The following CCDC171 variants were observed in gnomAD, a reference collection of about 807,000 sequenced individuals.
The protein encoded by CCDC171 is coiled-coil domain-containing protein 171.
A neutral mutation model predicts 168.2 loss-of-function variants in CCDC171; 177 were observed. The observed-to-expected ratio is 1.05, with a 90% confidence interval of 0.93 to 1.19. The LOEUF (loss-of-function observed/expected upper bound fraction) is 1.19, where lower values mean the gene tolerates loss of function less well. Among genes scored for constraint, CCDC171 ranks in the 50% most tolerant of loss-of-function variants. CCDC171 has a pLI of 0.00. For synonymous variants in CCDC171, 687 were observed against 540.8 expected, an observed-to-expected ratio of 1.27 and a Z score of -3.75; for missense variants, 1,991 against 1,539.0, an observed-to-expected ratio of 1.29 and a Z score of -4.91.
At chr9:15,903,355 G>A (rs200720226) in intron 24 of CCDC171, among the ~76,000 whole-genome samples, 7 of 152,074 alleles carry the variant, frequency 4.6e-5, no homozygotes, top group South Asian at 2.1e-4. Context: ...ATGATCAGGC[G>A]GCAACCTTTG....
At chr9:15,637,932 G>A (rs1462229869) in intron 7 of CCDC171, among the ~76,000 whole-genome samples, 11 of 152,028 alleles carry the variant, frequency 7.2e-5, no homozygotes, top group African/African-American at 2.2e-4. Context: ...ATAAACATAC[G>A]TGTGCATGTG....
chr9:16,043,892 T>A (rs990527126), intron 1 of CCDC171, among the ~76,000 whole-genome samples: 1 of 152,220 alleles, frequency 6.6e-6, no homozygotes, highest in African/African-American at 2.4e-5. Context: ...CACAGATACG[T>A]CCATTTGAGT....
intron 3 of CCDC171, among the ~76,000 whole-genome samples, chr9:15,999,134 C>G (rs1832456884): frequency 6.6e-6 from 1 of 150,576 alleles, no homozygotes; most frequent in Non-Finnish European, 1.5e-5. Context: ...TTGCTTGAGT[C>G]CAAGAGTTTG....
At chr9:15,633,888 A>G (rs1274113130) in intron 7 of CCDC171, among the ~76,000 whole-genome samples, 2 of 152,214 alleles carry the variant, frequency 1.3e-5, no homozygotes, top group South Asian at 2.1e-4. Flanking sequence ...CATGGATGAA[A>G]TTGGAAATCA....
At chr9:15,644,301 A>G (rs766022930) in intron 7 of CCDC171, among the ~76,000 whole-genome samples, 32 of 152,200 alleles carry the variant, frequency 2.1e-4, no homozygotes, top group Middle Eastern at 3.2e-3. Context: ...TCCAGTCTAC[A>G]GCACCCAGCG....
intron 7 of CCDC171, among the ~76,000 whole-genome samples, chr9:15,633,539 G>T (rs544635302): frequency 2.0e-5 from 3 of 152,224 alleles, no homozygotes; most frequent in South Asian, 4.1e-4. Flanking sequence ...TGCTGGAGAG[G>T]ATGTGGAGAA....
intron 23 of CCDC171, among the ~76,000 whole-genome samples, chr9:15,850,679 A>G (rs546850946): frequency 1.3e-5 from 2 of 152,024 alleles, no homozygotes; most frequent in South Asian, 2.1e-4. Context: ...GTGAGAATGA[A>G]TGAGTGATAA....
intron 2 of CCDC171, among the ~76,000 whole-genome samples, chr9:15,567,892 G>A (rs2039879658): frequency 6.6e-6 from 1 of 151,986 alleles, no homozygotes; most frequent in African/African-American, 2.4e-5. Context: ...GGCCTCAAGT[G>A]ATCCTCCTGC....
chr9:15,834,735 C>T (rs2060368953), intron 21 of CCDC171, among the ~76,000 whole-genome samples: 1 of 152,156 alleles, frequency 6.6e-6, no homozygotes, highest in Non-Finnish European at 1.5e-5. Context: ...TTATCTTGTG[C>T]TAGCAAAAGC....
rs187123590 is a variant in CCDC171, at chr9:16,033,810, G to A, written n.999-1647G>A. On this transcript the variant is annotated intron_variant and non_coding_transcript_variant, in intron 6 of 9. Coordinates refer to the CCDC171 transcript ENST00000486641. ...GTCTTCCTGAGAAAGAGGAAACCGA[G>A]GACAGAGAGACTCAGGAAATTGTCT... Among the ~76,000 whole-genome samples, 11 of 152,102 alleles carry A rather than the reference G, an allele frequency of 7.2e-5. No homozygotes were observed. In the East Asian group the frequency reaches 1.9e-3, roughly 27 times the overall value.
chr9:15,822,777 T>A (rs10962173), intron 21 of CCDC171, among the ~76,000 whole-genome samples: 1 of 151,828 alleles, frequency 6.6e-6, no homozygotes, highest in African/African-American at 2.4e-5. Context: ...GTCAGTGTGG[T>A]GATTCCTCAG....
intron 21 of CCDC171, among the ~76,000 whole-genome samples, chr9:15,806,909 CTTTA>C (rs375067920): frequency 6.1e-4 from 93 of 152,154 alleles, no homozygotes; most frequent in African/African-American, 1.9e-3. Context: ...TTCTCAGAGG[CTTTA>C]TTTGTTTTTC....
chr9:16,095,559 G>A, the CCDC171 span, among the ~76,000 whole-genome samples: 5 of 151,076 alleles, frequency 3.3e-5, no homozygotes, highest in East Asian at 1.9e-4. Context: ...TCTCTCTCGC[G>A]CACACACATA....
At chr9:15,727,105 A>G (rs980325835) in intron 14 of CCDC171, among the ~76,000 whole-genome samples, 1 of 152,168 alleles carries the variant, frequency 6.6e-6, no homozygotes, top group African/African-American at 2.4e-5. Flanking sequence ...TTAAAAACAT[A>G]TTTCTAATTG....
intron 3 of CCDC171, among the ~76,000 whole-genome samples, chr9:15,992,377 T>C (rs1832230028): frequency 6.6e-6 from 1 of 152,140 alleles, no homozygotes; most frequent in Admixed American, 6.5e-5. Flanking sequence ...CAAAAGGCCT[T>C]TGACAAAATT....
intron 25 of CCDC171, among the ~76,000 whole-genome samples, chr9:15,964,920 C>T (rs917556181): frequency 3.3e-5 from 5 of 152,240 alleles, no homozygotes; most frequent in Admixed American, 3.3e-4. Context: ...ACCAGCATGC[C>T]TGGCTAATTT....
intron 21 of CCDC171, among the ~76,000 whole-genome samples, chr9:15,835,879 A>G (rs2060424469): frequency 6.6e-6 from 1 of 152,122 alleles, no homozygotes; most frequent in Admixed American, 6.5e-5. Flanking sequence ...CATATTAGTA[A>G]TTTATCATAT....
At chr9:15,891,107 C>A (rs1008600539) in intron 24 of CCDC171, among the ~76,000 whole-genome samples, 1 of 152,154 alleles carries the variant, frequency 6.6e-6, no homozygotes, top group East Asian at 1.9e-4. Flanking sequence ...GTTTTTAGCA[C>A]CTCTGTCCAA....
At chr9:15,669,595 C>A (rs1038882031) in intron 9 of CCDC171, among the ~76,000 whole-genome samples, 2 of 152,058 alleles carry the variant, frequency 1.3e-5, no homozygotes, top group African/African-American at 4.8e-5. Flanking sequence ...TATTTTTGTA[C>A]CCATTAACCA....
Sources: allele counts gnomAD v4.1 joint callset (sites outside exome capture counted in the v4.1 genomes callset), GRCh38; gene constraint gnomAD v4.1.1; transcripts MANE v1.5; gene names NCBI Gene and HGNC (gene_info 2026-07-23, HGNC 2026-07-21).